Variants in COL22A1 observed in about 807,000 individuals in gnomAD.
The protein encoded by COL22A1 is collagen alpha-1(XXII) chain.
In COL22A1, 221 loss-of-function variants were observed where a neutral mutation model predicts 248.9. The observed-to-expected ratio is 0.89, with a 90% confidence interval of 0.80 to 0.99. COL22A1 has a LOEUF of 0.99. Ranked by LOEUF, COL22A1 falls within the 50% of genes least tolerant of loss-of-function variation. The probability of loss-of-function intolerance (pLI) is 0.00; values close to 1 mark genes in which losing one functional copy is unlikely to be tolerated. For missense variants in COL22A1, 2,240 were observed against 2,179.0 expected (o/e 1.03, Z -0.56); for synonymous variants, 891 against 793.4 (o/e 1.12, Z -2.07).
intron 47 of COL22A1, among the ~76,000 whole-genome samples, chr8:138,638,083 A>G (rs1042034978): frequency 4.6e-5 from 7 of 152,158 alleles, no homozygotes; most frequent in African/African-American, 1.7e-4. Context: ...CATCATCATC[A>G]TGGTCATCAA....
Position 138,760,241 on chromosome 8 carries a change from A to G in COL22A1, c.1902+2T>C. ...GCCCTTGACAGCCCCAGGCTCGCTC[A>G]CCTTTTCTCCCTGGGGTCCTGCCAC... On this transcript the variant is annotated splice_donor_variant, in intron 18 of 64. Coordinates refer to ENST00000303045, the MANE Select transcript of COL22A1 (RefSeq NM_152888.3). LOFTEE classifies it high-confidence loss of function. The G allele has an allele frequency of 4.4e-6, 7 of 1,573,256 alleles. No individual in the cohort carries two copies. The highest frequency in any genetic ancestry group is 6.0e-6 in the Non-Finnish European group (7 of 1,159,206).
chr8:138,791,987 T>G (rs1356844404), intron 12 of COL22A1, among the ~76,000 whole-genome samples: 1 of 152,168 alleles, frequency 6.6e-6, no homozygotes, highest in African/African-American at 2.4e-5. Flanking sequence ...CCATATGGAT[T>G]TCTGTGAAAA....
chr8:138,635,126 ATATCAAATT>A (rs1490462990), intron 48 of COL22A1, 63 bp from the exon 49 acceptor site: 15 of 1,367,192 alleles, frequency 1.1e-5, no homozygotes, highest in Non-Finnish European at 1.5e-5. Flanking sequence ...CTTTGTGCAA[ATATCAAATT>A]TCAGAAAACA....
intron 3 of COL22A1, among the ~76,000 whole-genome samples, chr8:138,866,102 C>T (rs1822876543): frequency 6.6e-6 from 1 of 152,050 alleles, no homozygotes; most frequent in African/African-American, 2.4e-5. Flanking sequence ...AGGACAAAGA[C>T]AGGACACATA....
chr8:138,628,993 T>C (rs1300356135), intron 50 of COL22A1, among the ~76,000 whole-genome samples: 2 of 127,594 alleles, frequency 1.6e-5, no homozygotes, highest in Non-Finnish European at 3.2e-5. Context: ...ACTCCTGACC[T>C]CAAGTGTTCC....
chr8:138,755,234 GT>G, intron 20 of COL22A1, 24 bp from the exon 21 acceptor site: 4 of 1,612,020 alleles, frequency 2.5e-6, no homozygotes, highest in Non-Finnish European at 3.4e-6. Context: ...CCAAACAGAT[GT>G]TTAGTCATGA....
intron 30 of COL22A1, among the ~76,000 whole-genome samples, chr8:138,714,531 A>C (rs965538221): frequency 1.8e-4 from 27 of 151,850 alleles, no homozygotes; most frequent in African/African-American, 6.5e-4. Flanking sequence ...GCCTCTCTGG[A>C]CTCTGGGACA....
intron 40 of COL22A1, among the ~76,000 whole-genome samples, chr8:138,677,335 A>G (rs1825638296): frequency 6.6e-6 from 1 of 152,244 alleles, no homozygotes; most frequent in African/African-American, 2.4e-5. Flanking sequence ...TTATGCAGAG[A>G]GAGTGCTTGG....
rs539406669 is a variant in COL22A1 at position 138,688,494 on chromosome 8, C to G, written c.2862+423G>C. On this transcript the variant is annotated intron_variant, in intron 37 of 64. Transcript: ENST00000303045. ...GGAAATCACACCACTGCACTCCAGCCTCAGTGGCAGAGTGAGACCCTGTCT... is the reference window on the plus strand; with the variant it reads ...GGAAATCACACCACTGCACTCCAGCGTCAGTGGCAGAGTGAGACCCTGTCT... 1.9e-4 allele frequency among the ~76,000 whole-genome samples: 29 copies of G among 151,954 alleles called. No individual in the cohort carries two copies. In the East Asian group the frequency reaches 4.7e-3, roughly 24 times the overall value.
intron 16 of COL22A1, among the ~76,000 whole-genome samples, chr8:138,764,877 A>T (rs1833790151): frequency 6.6e-6 from 1 of 152,112 alleles, no homozygotes; most frequent in Admixed American, 6.5e-5. Flanking sequence ...AATGGCATGA[A>T]CCTGGGAGGC....
In COL22A1 at chr8:138,705,655, C is replaced by T. The variant is rs140832991; in HGVS notation, c.2518-2308G>A. Among the ~76,000 whole-genome samples, 134 of 152,278 alleles carry T rather than the reference C, an allele frequency of 8.8e-4. No individual in the cohort carries two copies. The East Asian group carries it at 0.017, about 19-fold the overall frequency. On this transcript the variant is annotated intron_variant, in intron 30 of 64. Coordinates refer to ENST00000303045, the MANE Select transcript of COL22A1 (RefSeq NM_152888.3). ...AGCACTAAACATGGAAAGGAATAAC[C>T]GGTACCAGCCACTGCAAAAACATGC... is the stretch of plus-strand genomic sequence containing the variant.
At chr8:138,680,724 G>A (rs1051098650) in intron 39 of COL22A1, among the ~76,000 whole-genome samples, 3 of 152,144 alleles carry the variant, frequency 2.0e-5, no homozygotes, top group African/African-American at 7.2e-5. Flanking sequence ...TCCTCCGGCT[G>A]AGCAACCCAT....
chr8:138,896,247 T>TA (rs543361968), intron 1 of COL22A1, among the ~76,000 whole-genome samples: 3 of 151,864 alleles, frequency 2.0e-5, no homozygotes, highest in Non-Finnish European at 4.4e-5. Flanking sequence ...CATGAGTTTT[T>TA]AAAAAAAAAT....
chr8:138,761,725 T>C (rs947514297), intron 17 of COL22A1, among the ~76,000 whole-genome samples: 1 of 152,332 alleles, frequency 6.6e-6, no homozygotes, highest in African/African-American at 2.4e-5. Flanking sequence ...CATTTTAGTT[T>C]TTAAATTTAA....
chr8:138,677,733 C>T (rs1227672034), intron 40 of COL22A1, among the ~76,000 whole-genome samples: 7 of 152,200 alleles, frequency 4.6e-5, no homozygotes, highest in Admixed American at 1.3e-4. Context: ...TGCATATTAC[C>T]TTTCCAAAAT....
intron 41 of COL22A1, among the ~76,000 whole-genome samples, chr8:138,671,641 C>A (rs1825037920): frequency 6.6e-6 from 1 of 152,166 alleles, no homozygotes; most frequent in Non-Finnish European, 1.5e-5. Context: ...ACCAGAAAAC[C>A]CACATGAAGC....
chr8:138,721,823 T>C (rs555448573), intron 26 of COL22A1, among the ~76,000 whole-genome samples: 1 of 152,300 alleles, frequency 6.6e-6, no homozygotes, highest in African/African-American at 2.4e-5. Context: ...CTGGCTAAAT[T>C]TTAAAGCCTA....
chr8:138,755,655 T>C (rs1242087177), intron 19 of COL22A1, 130 bp downstream of exon 19: 19 of 1,347,058 alleles, frequency 1.4e-5, no homozygotes, highest in Non-Finnish European at 1.9e-5. Context: ...GCCCCATTTT[T>C]AGTGTTGAAA....
At chr8:138,695,328 T>G (rs1827421365) in intron 32 of COL22A1, among the ~76,000 whole-genome samples, 1 of 152,084 alleles carries the variant, frequency 6.6e-6, no homozygotes, top group African/African-American at 2.4e-5. Context: ...ACACTACTTT[T>G]TCTCCCTCTC....
Sources: allele counts gnomAD v4.1 joint callset (sites outside exome capture counted in the v4.1 genomes callset), GRCh38; gene constraint gnomAD v4.1.1; transcripts MANE v1.5; gene names NCBI Gene and HGNC (gene_info 2026-07-23, HGNC 2026-07-21).